Variants in AUTS2 observed in about 807,000 individuals in gnomAD.
AUTS2 encodes the protein autism susceptibility gene 2 protein.
Under a neutral mutation model 112.4 loss-of-function variants are expected in AUTS2, and 17 were observed. The ratio of observed to expected loss-of-function variants is 0.15; its 90% CI spans 0.10 to 0.23. The LOEUF (loss-of-function observed/expected upper bound fraction) is 0.23, where lower values mean the gene tolerates loss of function less well. AUTS2 is among the 10% of genes least tolerant of loss of function. The probability of loss-of-function intolerance (pLI) is 1.00; values close to 1 mark genes in which losing one functional copy is unlikely to be tolerated. For synonymous variants in AUTS2, 751 were observed against 702.7 expected, an observed-to-expected ratio of 1.07 and a Z score of -1.09; for missense variants, 1,510 against 1,701.6, an observed-to-expected ratio of 0.89 and a Z score of 1.98.
At chr7:69,784,972 G>A (rs1335804070) in intron 1 of AUTS2, among the ~76,000 whole-genome samples, 1 of 152,016 alleles carries the variant, frequency 6.6e-6, no homozygotes, top group African/African-American at 2.4e-5. Context: ...CCAAGGGGGT[G>A]GTGGTGATGA....
At chr7:70,515,263 G>A (rs1239133128) in intron 5 of AUTS2, among the ~76,000 whole-genome samples, 3 of 152,202 alleles carry the variant, frequency 2.0e-5, no homozygotes, top group African/African-American at 7.2e-5. Context: ...GAGGAGGATG[G>A]ATTGCAGAGA....
chr7:70,769,639 G>A (rs1371098155), intron 10 of AUTS2, among the ~76,000 whole-genome samples: 3 of 152,200 alleles, frequency 2.0e-5, no homozygotes, highest in Admixed American at 6.5e-5. Flanking sequence ...GATCTGAGAC[G>A]GCTCCACTGC....
chr7:70,614,307 TG>T (rs1395137660), intron 5 of AUTS2, among the ~76,000 whole-genome samples: 5 of 152,162 alleles, frequency 3.3e-5, no homozygotes. Flanking sequence ...TTTATGAAAG[TG>T]GGGACCAACA....
At chr7:70,359,664 T>C (rs1346168020) in intron 4 of AUTS2, among the ~76,000 whole-genome samples, 1 of 152,164 alleles carries the variant, frequency 6.6e-6, no homozygotes, top group Non-Finnish European at 1.5e-5. Flanking sequence ...AGTGTTCATC[T>C]ATTCTTGAGG....
At chr7:70,459,252 A>G (rs1395442642) in intron 5 of AUTS2, among the ~76,000 whole-genome samples, 1 of 152,134 alleles carries the variant, frequency 6.6e-6, no homozygotes, top group East Asian at 1.9e-4. Flanking sequence ...TCTGCATAGC[A>G]TTTAGTGGTG....
chr7:70,647,328 A>G (rs1184608973), intron 5 of AUTS2, among the ~76,000 whole-genome samples: 1 of 152,142 alleles, frequency 6.6e-6, no homozygotes, highest in Non-Finnish European at 1.5e-5. Flanking sequence ...TGGGATGAGC[A>G]CTGAACTTCT....
intron 5 of AUTS2, among the ~76,000 whole-genome samples, chr7:70,602,624 T>C (rs1157483186): frequency 6.6e-6 from 1 of 152,176 alleles, no homozygotes; most frequent in Admixed American, 6.5e-5. Context: ...GGTCAAAGTA[T>C]TAGGAAAGTT....
chr7:70,321,636 G>A (rs1213214028), intron 4 of AUTS2, among the ~76,000 whole-genome samples: 1 of 152,100 alleles, frequency 6.6e-6, no homozygotes, highest in African/African-American at 2.4e-5. Context: ...TAACCACAGT[G>A]ACTAAGTCAT....
chr7:69,972,185 C>T (rs1584510321), intron 2 of AUTS2, among the ~76,000 whole-genome samples: 2 of 152,062 alleles, frequency 1.3e-5, no homozygotes, highest in African/African-American at 2.4e-5. Context: ...TTTGCGTTTC[C>T]CTAATGGCTA....
At chr7:69,860,216 A>T (rs1268445860) in intron 1 of AUTS2, among the ~76,000 whole-genome samples, 1 of 151,958 alleles carries the variant, frequency 6.6e-6, no homozygotes, top group African/African-American at 2.4e-5. Context: ...AGGAAAAGGC[A>T]TTTAACCAAG....
intron 5 of AUTS2, among the ~76,000 whole-genome samples, chr7:70,479,588 G>A (rs529708186): frequency 1.4e-4 from 21 of 152,000 alleles, no homozygotes; most frequent in Non-Finnish European, 2.4e-4. Flanking sequence ...TGGATTTTCC[G>A]TTCACCAGCA....
chr7:69,720,153 C>G (rs908961873), intron 1 of AUTS2, among the ~76,000 whole-genome samples: 1 of 152,162 alleles, frequency 6.6e-6, no homozygotes, highest in Non-Finnish European at 1.5e-5. Flanking sequence ...GGTTGGCTAC[C>G]TGAACAATTA....
At chr7:70,537,010 C>G (rs562744440) in intron 5 of AUTS2, among the ~76,000 whole-genome samples, 1 of 152,274 alleles carries the variant, frequency 6.6e-6, no homozygotes, top group African/African-American at 2.4e-5. Context: ...TCTCTGGTCC[C>G]CAGCCCCACT....
chr7:70,684,097 T>C (rs1808337424), intron 5 of AUTS2, among the ~76,000 whole-genome samples: 1 of 150,198 alleles, frequency 6.7e-6, no homozygotes, highest in African/African-American at 2.5e-5. Flanking sequence ...TGCAAGTCAA[T>C]ATTTGGACCA....
chr7:69,684,027 TC>T (rs1452663361), intron 1 of AUTS2, among the ~76,000 whole-genome samples: 2 of 152,168 alleles, frequency 1.3e-5, no homozygotes, highest in Admixed American at 6.5e-5. Flanking sequence ...AGGGCCCAGA[TC>T]AGGGGATGCT....
At chr7:70,109,828 G>C (rs536067073) in intron 2 of AUTS2, among the ~76,000 whole-genome samples, 1 of 152,304 alleles carries the variant, frequency 6.6e-6, no homozygotes, top group African/African-American at 2.4e-5. Context: ...GTTAGCCTTA[G>C]AATGCCCTTG....
At chr7:70,539,247 G>A (rs1304400644) in intron 5 of AUTS2, among the ~76,000 whole-genome samples, 2 of 152,160 alleles carry the variant, frequency 1.3e-5, no homozygotes, top group Non-Finnish European at 2.9e-5. Flanking sequence ...CTATGTTGTT[G>A]TTTGCCAGCA....
chr7:70,771,199 C>A (rs556110376), intron 10 of AUTS2: 2 of 164,632 alleles, frequency 1.2e-5, no homozygotes, highest in Admixed American at 1.3e-4. Context: ...ATTTTCTGGG[C>A]ATCTTATTTG....
chr7:70,542,742 G>A (rs1402627688), intron 5 of AUTS2, among the ~76,000 whole-genome samples: 4 of 152,254 alleles, frequency 2.6e-5, no homozygotes, highest in Middle Eastern at 3.4e-3. Flanking sequence ...TAGAAGAGAC[G>A]TGCCCAGAGG....
Sources: allele counts gnomAD v4.1 joint callset (sites outside exome capture counted in the v4.1 genomes callset), GRCh38; gene constraint gnomAD v4.1.1; transcripts MANE v1.5; gene names NCBI Gene and HGNC (gene_info 2026-07-23, HGNC 2026-07-21).